Variants in TET2 observed in about 807,000 individuals in gnomAD.
TET2 encodes the protein methylcytosine dioxygenase TET2.
A neutral mutation model predicts 142.9 loss-of-function variants in TET2; 299 were observed. That is an observed-to-expected ratio of 2.09 (90% CI 1.90 to 2.30). The LOEUF is 2.30. Ranked by LOEUF, TET2 falls within the 30% of genes most tolerant of loss-of-function variation. The pLI is 0.00. For synonymous variants in TET2, 819 were observed against 849.0 expected (o/e 0.96, Z 0.61); for missense variants, 2,418 against 2,378.0 (o/e 1.02, Z -0.35).
chr4:105,168,851 C>G (rs549020138), intron 1 of TET2, among the ~76,000 whole-genome samples: 1 of 152,166 alleles, frequency 6.6e-6, no homozygotes, highest in Admixed American at 6.5e-5. Flanking sequence ...GGTTTTCCAT[C>G]CCTGAGTTAC....
intron 8 of TET2, among the ~76,000 whole-genome samples, chr4:105,262,696 A>G (rs1047555561): frequency 2.6e-5 from 4 of 152,066 alleles, no homozygotes; most frequent in African/African-American, 9.7e-5. Flanking sequence ...AGCCTGATCA[A>G]CATGGAGAAA....
At chr4:105,174,179 T>C (rs1724644203) in intron 1 of TET2, among the ~76,000 whole-genome samples, 1 of 152,204 alleles carries the variant, frequency 6.6e-6, no homozygotes. Flanking sequence ...TGTATGAATT[T>C]GATAAGCCTA....
chr4:105,194,477 C>A (rs1028086543), intron 2 of TET2, among the ~76,000 whole-genome samples: 2 of 152,072 alleles, frequency 1.3e-5, no homozygotes, highest in African/African-American at 4.8e-5. Context: ...AAAACCATCA[C>A]CCTACAGGAA....
At chr4:105,181,021 T>G (rs1725091441) in intron 1 of TET2, among the ~76,000 whole-genome samples, 1 of 152,238 alleles carries the variant, frequency 6.6e-6, no homozygotes, top group Non-Finnish European at 1.5e-5. Flanking sequence ...TGTCCTAGTT[T>G]AATCTTCATT....
intron 8 of TET2, among the ~76,000 whole-genome samples, chr4:105,263,639 CAGG>C (rs1395594732): frequency 6.6e-6 from 1 of 152,026 alleles, no homozygotes; most frequent in Non-Finnish European, 1.5e-5. Context: ...GATGGAGAAT[CAGG>C]AGAAAAATTC....
chr4:105,169,925 C>T (rs193271443), intron 1 of TET2, among the ~76,000 whole-genome samples: 1 of 135,874 alleles, frequency 7.4e-6, no homozygotes, highest in African/African-American at 3.5e-5. Flanking sequence ...GTTCTCTATC[C>T]CCCCATTGGT....
intron 2 of TET2, among the ~76,000 whole-genome samples, chr4:105,227,467 T>C (rs1042268161): frequency 6.6e-6 from 1 of 152,196 alleles, no homozygotes; most frequent in Admixed American, 6.5e-5. Flanking sequence ...CATGGACTCT[T>C]TTGCATACAG....
At chr4:105,240,535 G>A (rs553116742) in intron 3 of TET2, 2 of 1,078,870 alleles carry the variant, frequency 1.9e-6, no homozygotes, top group East Asian at 1.0e-4. Flanking sequence ...TTTCCCTCTT[G>A]CAATGAGATA....
intron 8 of TET2, among the ~76,000 whole-genome samples, chr4:105,264,943 T>C (rs1373575259): frequency 6.6e-6 from 1 of 152,214 alleles, no homozygotes; most frequent in Non-Finnish European, 1.5e-5. Flanking sequence ...TAAAGTTTAG[T>C]TGGCTCTCCA....
chr4:105,232,753 A>G (rs1374577862), intron 2 of TET2, among the ~76,000 whole-genome samples: 2 of 152,182 alleles, frequency 1.3e-5, no homozygotes, highest in African/African-American at 4.8e-5. Flanking sequence ...ATGCGGGGGG[A>G]AGAAAACATT....
intron 1 of TET2, among the ~76,000 whole-genome samples, chr4:105,174,640 G>A (rs1025956929): frequency 2.0e-5 from 3 of 152,130 alleles, no homozygotes; most frequent in African/African-American, 7.2e-5. Context: ...TTCAGTGTGG[G>A]CGGTTGTTCA....
chr4:105,178,225 CTG>C (rs1560728222), intron 1 of TET2, among the ~76,000 whole-genome samples: 1 of 152,168 alleles, frequency 6.6e-6, no homozygotes, highest in East Asian at 1.9e-4. Flanking sequence ...AGTGGATAAA[CTG>C]TGGTACATCC....
chr4:105,233,707 C>A (rs1012488915), intron 2 of TET2, among the ~76,000 whole-genome samples, 190 bp from the exon 3 acceptor site: 2 of 152,090 alleles, frequency 1.3e-5, no homozygotes, highest in Admixed American at 1.3e-4. Flanking sequence ...GCTATGAAGA[C>A]AAGAATGTTT....
intron 1 of TET2, among the ~76,000 whole-genome samples, chr4:105,186,503 T>G (rs1346355240): frequency 7.7e-5 from 10 of 130,662 alleles, no homozygotes; most frequent in Non-Finnish European, 1.6e-4. Flanking sequence ...TGAGATGGAG[T>G]CTCACTCTGT....
intron 2 of TET2, among the ~76,000 whole-genome samples, chr4:105,217,680 C>T (rs1445630636): frequency 1.3e-5 from 2 of 151,994 alleles, no homozygotes; most frequent in African/African-American, 2.4e-5. Flanking sequence ...AGTTTTCTTG[C>T]TTGAGCACAG....
intron 2 of TET2, among the ~76,000 whole-genome samples, chr4:105,200,186 C>T (rs955000295): frequency 2.0e-5 from 3 of 152,124 alleles, no homozygotes; most frequent in African/African-American, 7.2e-5. Flanking sequence ...CCTTTTTCTC[C>T]GCAACCTCAC....
Position 105,275,099 on chromosome 4 carries a change from C to G in TET2, c.4589C>G (p.Pro1530Arg), listed in dbSNP as rs1731136294. 1 of 1,550,782 alleles carries G rather than the reference C, an allele frequency of 6.4e-7. No individual in the cohort carries two copies. The highest frequency in any genetic ancestry group is 8.7e-7 in the Non-Finnish European group (1 of 1,146,506). Residue 1530 changes from proline (P) to arginine (R), a missense_variant, in exon 11 of 11, where the codon CCT becomes CGT. Physicochemically the swap from Pro to Arg is moderately radical, Grantham distance 103. Transcript: ENST00000380013. ...ATGCAGCAGTCCCAGCAGCCCCAGC[C>G]TCTACAGAAGCAGCCACCACAGCCC... The part of the protein sequence containing the change: ...PVMQQSQQPQ[P>R]LQKQPPQPQQ...
intron 2 of TET2, among the ~76,000 whole-genome samples, chr4:105,222,971 G>A (rs1194222968): frequency 2.0e-5 from 3 of 152,106 alleles, no homozygotes; most frequent in Admixed American, 1.3e-4. Context: ...ATTAAATAGG[G>A]AATCCTTTCC....
chr4:105,204,308 T>G (rs546807796), intron 2 of TET2, among the ~76,000 whole-genome samples: 1 of 151,162 alleles, frequency 6.6e-6, no homozygotes, highest in South Asian at 2.1e-4. Flanking sequence ...ATTGTTTTCT[T>G]AAAATGTTTT....
Sources: gnomAD v4.1 joint callset for allele counts (sites outside exome capture counted in the v4.1 genomes callset) on GRCh38, gnomAD v4.1.1 for gene constraint, MANE v1.5 for transcripts, NCBI Gene and HGNC (gene_info 2026-07-23, HGNC 2026-07-21) for gene names.